MAX: variants seen among roughly 807,000 people sequenced by gnomAD.
MAX encodes the protein MYC associated transcriptional regulator X.
Under a neutral mutation model 22.3 loss-of-function variants are expected in MAX, and 3 were observed. That is an observed-to-expected ratio of 0.13 (90% CI 0.06 to 0.35). The LOEUF is 0.35. Ranked by LOEUF, MAX falls within the 10% of genes least tolerant of loss-of-function variation. The pLI is 1.00. For synonymous variants in MAX, 72 were observed against 77.7 expected (o/e 0.93, Z 0.39); for missense variants, 119 against 209.4 (o/e 0.57, Z 2.66).
At chr14:65,096,794 A>G (rs2063686968) in intron 2 of MAX, among the ~76,000 whole-genome samples, 1 of 152,228 alleles carries the variant, frequency 6.6e-6, no homozygotes, top group Non-Finnish European at 1.5e-5. Flanking sequence ...TTCAGTAATG[A>G]AAACAAATGG....
intron 3 of MAX, among the ~76,000 whole-genome samples, chr14:65,008,484 A>G (rs1014933006): frequency 1.3e-5 from 2 of 152,386 alleles, no homozygotes; most frequent in Middle Eastern, 3.4e-3. Context: ...GACATTAAAC[A>G]AATGAACACA....
In MAX at chr14:65,022,674, T is replaced by TA. The variant is rs534936170; in HGVS notation, c.172-16391dup. On this transcript the variant is annotated intron_variant, in intron 3 of 3. Transcript: ENST00000341653. ...GAGCCACCACACCCAGCCAAATACT[T>TA]AAAAAAAAAAAAAGTAGTCATTTTT... is the stretch of plus-strand genomic sequence containing the variant. Among the ~76,000 whole-genome samples, 1,057 of 144,770 alleles carry TA rather than the reference T, an allele frequency of 7.3e-3. 18 individuals carry two copies. The highest frequency in any genetic ancestry group is 0.045 in the South Asian group (206 of 4,604). 95.0% of individuals were successfully genotyped at this position (144,770 alleles called of 152,430 possible). A position where few individuals can be genotyped will look rare whatever the true frequency, so the allele number is the denominator to read the frequency against.
chr14:65,065,329 C>T (rs771514688), intron 3 of MAX, among the ~76,000 whole-genome samples: 3 of 152,178 alleles, frequency 2.0e-5, no homozygotes, highest in Non-Finnish European at 4.4e-5. Flanking sequence ...TTATATGAGA[C>T]AATGTGAGTT....
intron 3 of MAX, chr14:65,061,403 C>T: frequency 6.5e-7 from 1 of 1,550,234 alleles, no homozygotes; most frequent in Non-Finnish European, 8.7e-7. Flanking sequence ...CTGTGCTACA[C>T]AAGCCTTAGC....
chr14:65,067,793 A>ATT lies in MAX; in HGVS notation c.171+25913_171+25914dup, dbSNP rs59262877. Among the ~76,000 whole-genome samples the ATT allele has an allele frequency of 4.2e-3, 513 of 123,146 alleles. 7 individuals are homozygous for ATT. In the East Asian group the frequency reaches 0.048, roughly 12 times the overall value. The allele number at this position is 123,146 out of a possible 152,430, so 80.8% of individuals were successfully genotyped here. ...CACACCACCATGTGCAGCTAATTAC[A>ATT]TTTTTTTTTTTTTTTTTTTGGTAGA... On this transcript the variant is annotated intron_variant, in intron 3 of 3. Coordinates refer to the MAX transcript ENST00000341653.
rs761220254 is a variant in MAX, at chr14:65,076,644, C to T, written c.315G>A (p.Ala105=). The change falls in exon 5 of 5, where the codon GCG becomes GCA. Residue 105 remains alanine (A), a synonymous_variant. Transcript: ENST00000358664. This position sits in a 1 kb window ranked among gnomAD's most constrained non-coding sequence, Gnocchi z 6.6. ...LEQQVRALEK[A]RSSAQLQTNY... is the part of the protein sequence containing the mutation. ...TGGTCTGCAGTTGGGCACTTGACCT[C>T]GCCTTCTCCAGTGCACGGACTAAAA... 3.7e-6 allele frequency: 6 copies of T among 1,614,178 alleles called. No individual in the cohort carries two copies. The highest frequency in any genetic ancestry group is 2.2e-5 in the East Asian group (1 of 44,876).
rs959831204 is a variant in MAX at position 65,014,013 on chromosome 14, C to G, written c.172-7729G>C. Among the ~76,000 whole-genome samples, 2 of 152,234 alleles carry G rather than the reference C, an allele frequency of 1.3e-5. No homozygotes were observed. Among genetic ancestry groups the G allele is most frequent in the Admixed American group, 6.5e-5 (1 of 15,290 alleles). Reference sequence around the variant, plus strand: ...TAAGCTGCATCCCTGGCAGTGTCTTCAGTAGCTCACCAGCCTACCTTCCAG... The same window carrying G: ...TAAGCTGCATCCCTGGCAGTGTCTTGAGTAGCTCACCAGCCTACCTTCCAG... On this transcript the variant is annotated intron_variant, in intron 3 of 3. Transcript: ENST00000341653. The surrounding 1 kb of genome is among the most constrained non-coding windows in gnomAD (Gnocchi z 5.1).
chr14:65,071,107 C>A (rs953535738), downstream of MAX, among the ~76,000 whole-genome samples: 37 of 152,064 alleles, frequency 2.4e-4, 1 homozygote, highest in African/African-American at 7.7e-4. This position sits in a 1 kb window ranked among gnomAD's most constrained non-coding sequence, Gnocchi z 4.2. Flanking sequence ...ATACTAAACT[C>A]TTATTACATC....
chr14:65,066,349 T>C (rs960847330), intron 3 of MAX, among the ~76,000 whole-genome samples: 2 of 152,164 alleles, frequency 1.3e-5, no homozygotes, highest in Non-Finnish European at 2.9e-5. Context: ...TCCTCACACT[T>C]TCCTGCAGTA....
chr14:65,052,085 G>C (rs762944318), intron 3 of MAX, among the ~76,000 whole-genome samples: 3 of 152,044 alleles, frequency 2.0e-5, no homozygotes, highest in Non-Finnish European at 4.4e-5. Context: ...ATAAGCCATC[G>C]TGCCTGGCCC....
chr14:65,046,344 G>A (rs564511835), intron 3 of MAX, among the ~76,000 whole-genome samples: 4 of 152,342 alleles, frequency 2.6e-5, no homozygotes, highest in African/African-American at 9.6e-5. Context: ...GTGAGGTCAA[G>A]CCCCTGGTAA....
intron 2 of MAX, among the ~76,000 whole-genome samples, chr14:65,097,215 T>C (rs577101536): frequency 7.2e-5 from 11 of 152,376 alleles, no homozygotes; most frequent in Middle Eastern, 3.4e-3. Flanking sequence ...TCTTAAGTGT[T>C]GTTAGATGTT....
chr14:65,049,939 G>GA (rs2062569417), intron 3 of MAX, among the ~76,000 whole-genome samples: 1 of 151,608 alleles, frequency 6.6e-6, no homozygotes, highest in Non-Finnish European at 1.5e-5. Context: ...AATCGTGAAG[G>GA]AAAAATCAAT....
intron 3 of MAX, among the ~76,000 whole-genome samples, chr14:65,039,115 G>A (rs574035714): frequency 6.6e-6 from 1 of 152,320 alleles, no homozygotes; most frequent in East Asian, 1.9e-4. Context: ...TAAGGATCCA[G>A]CACTGAAAAG....
downstream of MAX, among the ~76,000 whole-genome samples, chr14:65,073,194 G>A (rs2063007364): frequency 6.6e-6 from 1 of 152,222 alleles, no homozygotes; most frequent in Admixed American, 6.5e-5. Context: ...GCTGGGAGAA[G>A]TAACACAGCC....
At chr14:65,021,916 G>T (rs1254737620) in intron 3 of MAX, 1 of 455,946 alleles carries the variant, frequency 2.2e-6, no homozygotes, top group Non-Finnish European at 4.4e-6. Flanking sequence ...AAAGTGCTAG[G>T]ATTATAGGCG....
At chr14:65,061,631 G>A (rs1041075131) in intron 3 of MAX, 3 of 259,288 alleles carry the variant, frequency 1.2e-5, no homozygotes, top group Non-Finnish European at 1.5e-5. Context: ...GAGATGAATG[G>A]CATCTGAGTA....
intron 3 of MAX, among the ~76,000 whole-genome samples, chr14:65,046,036 G>A (rs559329706): frequency 1.3e-5 from 2 of 152,162 alleles, no homozygotes; most frequent in East Asian, 1.9e-4. Context: ...TGCCCAGGCC[G>A]GAGTGCAATG....
rs758348521 is a variant in MAX at position 65,044,268 on chromosome 14, C to T, written c.172-37984G>A. The T allele has an allele frequency of 1.2e-6, 2 of 1,606,632 alleles. No individual in the cohort carries two copies. Among genetic ancestry groups the T allele is most frequent in the African/African-American group, 1.3e-5 (1 of 74,644 alleles). On this transcript the variant is annotated intron_variant, in intron 3 of 3. Transcript: ENST00000341653. The surrounding 1 kb of genome is among the most constrained non-coding windows in gnomAD (Gnocchi z 5.5). Reference sequence around the variant, plus strand: ...GAGATTCTGTCGGGCTGGATTTTGTCTCTTTTAGCCTACAACTGCCTTTCC... The same window carrying T: ...GAGATTCTGTCGGGCTGGATTTTGTTTCTTTTAGCCTACAACTGCCTTTCC...
Sources: allele counts gnomAD v4.1 joint callset (sites outside exome capture counted in the v4.1 genomes callset), GRCh38; gene constraint gnomAD v4.1.1; non-coding constraint Gnocchi (gnomAD v3.1); transcripts MANE v1.5; gene names NCBI Gene and HGNC (gene_info 2026-07-23, HGNC 2026-07-21).